The following CHN1 variants were observed in gnomAD, a reference collection of about 807,000 sequenced individuals.
The protein encoded by CHN1 is chimerin 1.
A neutral mutation model predicts 59.5 loss-of-function variants in CHN1; 37 were observed. The ratio of observed to expected loss-of-function variants is 0.62; its 90% CI spans 0.48 to 0.82. The LOEUF (loss-of-function observed/expected upper bound fraction) is 0.82, where lower values mean the gene tolerates loss of function less well. CHN1 is among the 40% of genes least tolerant of loss of function. The pLI is 0.00. For synonymous variants in CHN1, 206 were observed against 200.4 expected (o/e 1.03, Z -0.24); for missense variants, 469 against 571.0 (o/e 0.82, Z 1.82).
chr2:174,935,039 T>C (rs1689456136), intron 3 of CHN1, among the ~76,000 whole-genome samples: 1 of 152,234 alleles, frequency 6.6e-6, no homozygotes, highest in Admixed American at 6.5e-5. Context: ...CTGCTTAAAA[T>C]ACTTTCACTT....
At chr2:174,947,001 T>A (rs2105407078) in intron 2 of CHN1, among the ~76,000 whole-genome samples, 1 of 152,244 alleles carries the variant, frequency 6.6e-6, no homozygotes, top group South Asian at 2.1e-4. Flanking sequence ...TGATCAGTAA[T>A]TCTCAAAATA....
At chr2:174,979,887 A>T (rs1220556378) in intron 1 of CHN1, among the ~76,000 whole-genome samples, 1 of 152,048 alleles carries the variant, frequency 6.6e-6, no homozygotes, top group Non-Finnish European at 1.5e-5. Context: ...CTCAAAAACA[A>T]AACAAAACAA....
At chr2:174,914,721 T>C (rs933029247) in intron 5 of CHN1, among the ~76,000 whole-genome samples, 7 of 150,646 alleles carry the variant, frequency 4.6e-5, no homozygotes, top group African/African-American at 1.7e-4. Flanking sequence ...CACACGTCTA[T>C]AATCCCAGCT....
chr2:174,825,688 T>C (rs1685660034), intron 7 of CHN1, among the ~76,000 whole-genome samples: 1 of 152,214 alleles, frequency 6.6e-6, no homozygotes, highest in Non-Finnish European at 1.5e-5. Flanking sequence ...TTCCAACATA[T>C]CTGCCAAAAC....
intron 10 of CHN1, 146 bp from the exon 11 acceptor site, chr2:174,809,188 T>C: frequency 1.4e-6 from 1 of 714,672 alleles, no homozygotes; most frequent in South Asian, 2.5e-5. Flanking sequence ...ACGTTACATA[T>C]TAATGATTAA....
At chr2:174,954,314 A>T (rs997746787) in intron 1 of CHN1, among the ~76,000 whole-genome samples, 1 of 152,178 alleles carries the variant, frequency 6.6e-6, no homozygotes, top group Non-Finnish European at 1.5e-5. Flanking sequence ...CAAAGACTTA[A>T]ATTTAAGACC....
intron 8 of CHN1, among the ~76,000 whole-genome samples, chr2:174,819,369 T>C (rs1453911631): frequency 2.0e-5 from 3 of 152,246 alleles, no homozygotes; most frequent in Non-Finnish European, 2.9e-5. Flanking sequence ...GCAGCAATGA[T>C]AATGATACAC....
chr2:174,921,020 C>A, intron 3 of CHN1: 1 of 414,588 alleles, frequency 2.4e-6, no homozygotes. Context: ...GTTCGCGTTC[C>A]CATGAGTCTA....
intron 7 of CHN1, among the ~76,000 whole-genome samples, chr2:174,840,042 G>A (rs1686234650): frequency 6.6e-6 from 1 of 151,926 alleles, no homozygotes; most frequent in Non-Finnish European, 1.5e-5. Context: ...TCTGTTTCAG[G>A]CAGAGATGTC....
chr2:174,977,087 A>T (rs955497742), intron 1 of CHN1, among the ~76,000 whole-genome samples: 2 of 152,140 alleles, frequency 1.3e-5, no homozygotes, highest in Non-Finnish European at 2.9e-5. Context: ...ACCTTAGACA[A>T]CTAGGTTGGC....
At position 174,877,989 on chromosome 2, in the gene CHN1, T is replaced by C; in HGVS notation, c.400A>G (p.Ile134Val). Residue 134 changes from isoleucine to valine, a missense_variant, in exon 6 of 13, where the codon ATT becomes GTT. Coordinates refer to ENST00000409900, the MANE Select transcript of CHN1 (RefSeq NM_001822.7). Reference protein sequence around the residue: ...LYIETKAAEYIAKMTINPIYE... With the variant: ...LYIETKAAEYVAKMTINPIYE... ...ATTGGGTTTATCGTCATCTTGGCAA[T>C]GTATTCTGCTGCCTTGGTTTCAATA... is the stretch of plus-strand genomic sequence containing the variant. 6.2e-7 allele frequency: 1 copy of C among 1,613,910 alleles called. No homozygotes were observed. The highest frequency in any genetic ancestry group is 1.1e-5 in the South Asian group (1 of 91,076).
intron 6 of CHN1, among the ~76,000 whole-genome samples, chr2:174,861,131 T>C (rs773908396): frequency 1.2e-4 from 19 of 152,334 alleles, no homozygotes; most frequent in South Asian, 2.1e-4. Context: ...TGTAAAAGAA[T>C]CTTAGCTCCA....
In CHN1 at chr2:174,807,446, C is replaced by CTGTGTGTGTGTG. The variant is rs71031071; in HGVS notation, c.1102+1447_1102+1458dup. 9.2e-3 allele frequency among the ~76,000 whole-genome samples: 770 copies of CTGTGTGTGTGTG among 83,832 alleles called. 46 individuals are homozygous for CTGTGTGTGTGTG. The highest frequency in any genetic ancestry group is 0.015 in the East Asian group (34 of 2,330). The allele number at this position is 83,832 out of a possible 152,430, so 55.0% of individuals were successfully genotyped here. On this transcript the variant is annotated intron_variant, in intron 11 of 12. Coordinates refer to ENST00000409900, the MANE Select transcript of CHN1 (RefSeq NM_001822.7). The stretch of plus-strand genomic sequence containing the variant: ...GACTAGGCAGCTTTTCACGGGCTAT[C>CTGTGTGTGTGTG]TGTGTGTGTGTGTGTGTGTGTGTGT...
At chr2:174,887,140 ATTC>A (rs1687918448) in intron 5 of CHN1, among the ~76,000 whole-genome samples, 1 of 152,198 alleles carries the variant, frequency 6.6e-6, no homozygotes, top group African/African-American at 2.4e-5. Flanking sequence ...GCTGATGGCG[ATTC>A]TTCTTATCAG....
intron 6 of CHN1, among the ~76,000 whole-genome samples, chr2:174,871,135 T>C (rs190327549): frequency 4.2e-4 from 64 of 151,150 alleles, no homozygotes; most frequent in African/African-American, 1.5e-3. Flanking sequence ...AAGGTGTAGA[T>C]GGTCCCAACA....
intron 2 of CHN1, among the ~76,000 whole-genome samples, chr2:174,949,342 A>C (rs566241828): frequency 6.6e-6 from 1 of 152,290 alleles, no homozygotes; most frequent in Admixed American, 6.5e-5. Context: ...AACATGAATG[A>C]ATAAATGAAT....
Position 174,915,053 on chromosome 2 carries a change from C to T in CHN1, c.260+5G>A, listed in dbSNP as rs1688806752. The T allele has an allele frequency of 3.8e-6, 6 of 1,598,118 alleles. No individual in the cohort carries two copies. Among genetic ancestry groups the T allele is most frequent in the Non-Finnish European group, 5.1e-6 (6 of 1,169,190 alleles). On this transcript the variant is annotated splice_donor_5th_base_variant and intron_variant, in intron 5 of 12. Coordinates refer to ENST00000409900, the MANE Select transcript of CHN1 (RefSeq NM_001822.7). ...CACAGTAGTAATTGCAGGCCCATGA[C>T]CAACCTTAAAGCCAAAGTGTAGGTC...
chr2:174,924,072 GAATT>G (rs1689095759), intron 3 of CHN1, among the ~76,000 whole-genome samples: 1 of 152,074 alleles, frequency 6.6e-6, no homozygotes, highest in African/African-American at 2.4e-5. Context: ...ATTGGCATAA[GAATT>G]ATTTTAAACT....
chr2:174,938,106 G>A (rs1188058620), intron 3 of CHN1, among the ~76,000 whole-genome samples: 1 of 152,034 alleles, frequency 6.6e-6, no homozygotes, highest in Non-Finnish European at 1.5e-5. Flanking sequence ...AACCTCCCAA[G>A]TAGCTGGAAT....
Sources: gnomAD v4.1 joint callset for allele counts (sites outside exome capture counted in the v4.1 genomes callset) on GRCh38, gnomAD v4.1.1 for gene constraint, MANE v1.5 for transcripts, NCBI Gene and HGNC (gene_info 2026-07-23, HGNC 2026-07-21) for gene names.